PACS1: variants seen among roughly 807,000 people sequenced by gnomAD.
PACS1 encodes the protein phosphofurin acidic cluster sorting protein 1.
PACS1 carries 24 observed loss-of-function variants against 115.0 expected under a neutral mutation model. The observed-to-expected ratio is 0.21, with a 90% CI of 0.15 to 0.29. PACS1 has a LOEUF of 0.29. Among genes scored for constraint, PACS1 ranks in the 10% least tolerant of loss-of-function variants. The pLI is 1.00. For synonymous variants in PACS1, 453 were observed against 504.5 expected, an observed-to-expected ratio of 0.90 and a Z score of 1.37; for missense variants, 838 against 1,251.2, an observed-to-expected ratio of 0.67 and a Z score of 4.98.
chr11:66,227,045 C>A lies in PACS1; in HGVS notation c.1294-459C>A, dbSNP rs1160645350. On this transcript the variant is annotated intron_variant, in intron 10 of 23. Transcript: ENST00000320580. ...TTAGAGGGTTTTCTGGATGTTCCCACCAAGCAAAAAGCATTTGGCTACCAT... is the reference window on the plus strand; with the variant it reads ...TTAGAGGGTTTTCTGGATGTTCCCAACAAGCAAAAAGCATTTGGCTACCAT... Among the ~76,000 whole-genome samples the A allele has an allele frequency of 2.6e-5, 4 of 152,216 alleles. No individual in the cohort carries two copies. The South Asian group carries it at 8.3e-4, about 32-fold the overall frequency.
chr11:66,171,781 A>G lies in PACS1; in HGVS notation c.357-21705A>G, dbSNP rs536322571. ...TTTTTAGTAGAGACGGGGTTTCACCATGTTAGCCAGGATGGTCTCGATCTC... is the reference window on the plus strand; with the variant it reads ...TTTTTAGTAGAGACGGGGTTTCACCGTGTTAGCCAGGATGGTCTCGATCTC... On this transcript the variant is annotated intron_variant, in intron 1 of 23. Transcript: ENST00000320580. Among the ~76,000 whole-genome samples, 12 of 148,336 alleles carry G rather than the reference A, an allele frequency of 8.1e-5. No individual in the cohort carries two copies. The South Asian group carries it at 2.5e-3, about 31-fold the overall frequency.
chr11:66,217,470 G>A, intron 7 of PACS1: 1 of 439,606 alleles, frequency 2.3e-6, no homozygotes, highest in Non-Finnish European at 4.6e-6. Context: ...GGAATTCACA[G>A]CTCCATTTAC....
chr11:66,185,252 T>G (rs1429545464), intron 1 of PACS1, among the ~76,000 whole-genome samples: 1 of 152,224 alleles, frequency 6.6e-6, no homozygotes, highest in Admixed American at 6.5e-5. Context: ...TGAAAATAAA[T>G]GACCTGTTAC....
intron 1 of PACS1, among the ~76,000 whole-genome samples, chr11:66,107,403 A>C (rs938003168): frequency 6.6e-6 from 1 of 152,036 alleles, no homozygotes; most frequent in Non-Finnish European, 1.5e-5. Flanking sequence ...AGCACTTGTC[A>C]ACTGCTAACA....
At chr11:66,126,498 A>C (rs1858575219) in intron 1 of PACS1, among the ~76,000 whole-genome samples, 1 of 152,206 alleles carries the variant, frequency 6.6e-6, no homozygotes, top group African/African-American at 2.4e-5. Flanking sequence ...TAGCCATTAG[A>C]AAATGAATTT....
chr11:66,166,650 C>T (rs1590791361), intron 1 of PACS1, among the ~76,000 whole-genome samples: 2 of 150,672 alleles, frequency 1.3e-5, no homozygotes, highest in East Asian at 3.8e-4. Flanking sequence ...TAGTCTTCTG[C>T]AGCTTAAGCT....
At chr11:66,237,718 A>G (rs1314834575) in intron 19 of PACS1, among the ~76,000 whole-genome samples, 1 of 152,218 alleles carries the variant, frequency 6.6e-6, no homozygotes, top group Non-Finnish European at 1.5e-5. Flanking sequence ...CGAGAGAGAC[A>G]GAGAGATAAC....
At chr11:66,155,384 A>G (rs1480324264) in intron 1 of PACS1, among the ~76,000 whole-genome samples, 1 of 152,246 alleles carries the variant, frequency 6.6e-6, no homozygotes, top group Non-Finnish European at 1.5e-5. Flanking sequence ...AGGATTGTAA[A>G]GAACTCTTAC....
chr11:66,177,354 G>T (rs1038829488), intron 1 of PACS1, among the ~76,000 whole-genome samples: 11 of 152,006 alleles, frequency 7.2e-5, no homozygotes, highest in African/African-American at 2.7e-4. Context: ...ACCATGCCTG[G>T]CTAATTTTGT....
At position 66,243,459 on chromosome 11, in the gene PACS1, G is replaced by T. The variant is rs929907880; in HGVS notation, c.*179G>T. ...GACGCCTTCCCTCCCCTCCCCTCCA[G>T]CCCACCCCTGCACAGCCCCTCCTCC... On this transcript the variant is annotated 3_prime_UTR_variant, in exon 24 of 24. Coordinates refer to ENST00000320580, the MANE Select transcript of PACS1 (RefSeq NM_018026.4). The T allele has an allele frequency of 2.6e-5, 15 of 581,632 alleles. No individual in the cohort carries two copies. Among genetic ancestry groups the T allele is most frequent in the Non-Finnish European group, 4.3e-5 (14 of 328,378 alleles). 36.0% of individuals were successfully genotyped at this position (581,632 alleles called of 1,614,324 possible).
At chr11:66,118,652 C>A (rs767050968) in intron 1 of PACS1, among the ~76,000 whole-genome samples, 7 of 150,726 alleles carry the variant, frequency 4.6e-5, no homozygotes, top group Non-Finnish European at 8.9e-5. Flanking sequence ...CTAGGCCAGG[C>A]GTGGTAGCTC....
At chr11:66,167,376 A>T (rs1297368393) in intron 1 of PACS1, among the ~76,000 whole-genome samples, 2 of 113,838 alleles carry the variant, frequency 1.8e-5, no homozygotes, top group East Asian at 2.4e-4. Flanking sequence ...TTACTCTGTG[A>T]TCCAGGCTGG....
At chr11:66,138,321 C>T (rs1435834233) in intron 1 of PACS1, among the ~76,000 whole-genome samples, 1 of 152,024 alleles carries the variant, frequency 6.6e-6, no homozygotes, top group African/African-American at 2.4e-5. Context: ...GTATTGAAAT[C>T]CTGTCCCCAA....
chr11:66,133,986 A>G (rs2134581899), intron 1 of PACS1, among the ~76,000 whole-genome samples: 1 of 152,268 alleles, frequency 6.6e-6, no homozygotes, highest in African/African-American at 2.4e-5. Flanking sequence ...TGCCTGTGAT[A>G]TATACCCCAT....
At chr11:66,118,354 A>G (rs1026862475) in intron 1 of PACS1, among the ~76,000 whole-genome samples, 1 of 152,088 alleles carries the variant, frequency 6.6e-6, no homozygotes, top group Non-Finnish European at 1.5e-5. Flanking sequence ...GCTCATGCCT[A>G]TAATCCGGGC....
At chr11:66,174,798 G>A (rs1035109618) in intron 1 of PACS1, among the ~76,000 whole-genome samples, 1 of 152,142 alleles carries the variant, frequency 6.6e-6, no homozygotes, top group African/African-American at 2.4e-5. Flanking sequence ...TACTGTATTG[G>A]GGTGATGGTT....
At chr11:66,071,455 C>T (rs1857309682) in intron 1 of PACS1, among the ~76,000 whole-genome samples, 1 of 152,176 alleles carries the variant, frequency 6.6e-6, no homozygotes, top group Non-Finnish European at 1.5e-5. Flanking sequence ...CCAGAATCTC[C>T]CAGCTCTGCA....
At chr11:66,111,286 C>T (rs1858181246) in intron 1 of PACS1, among the ~76,000 whole-genome samples, 1 of 152,056 alleles carries the variant, frequency 6.6e-6, no homozygotes, top group Admixed American at 6.5e-5. Flanking sequence ...CTTATGGGAC[C>T]CCTGTTGTAT....
intron 1 of PACS1, among the ~76,000 whole-genome samples, chr11:66,191,503 T>G (rs1315891151): frequency 6.6e-5 from 10 of 152,180 alleles, no homozygotes; most frequent in Non-Finnish European, 5.9e-5. Context: ...TGGCTGTAAG[T>G]GAATTTGGGC....
Sources: allele counts gnomAD v4.1 joint callset (sites outside exome capture counted in the v4.1 genomes callset), GRCh38; gene constraint gnomAD v4.1.1; transcripts MANE v1.5; gene names NCBI Gene and HGNC (gene_info 2026-07-23, HGNC 2026-07-21).